The following DOK6 variants were observed in gnomAD, a reference collection of about 807,000 sequenced individuals.
The protein encoded by DOK6 is downstream of tyrosine kinase 6.
A neutral mutation model predicts 44.0 loss-of-function variants in DOK6; 22 were observed. The ratio of observed to expected loss-of-function variants is 0.50; its 90% confidence interval spans 0.36 to 0.71. The LOEUF (loss-of-function observed/expected upper bound fraction) is 0.71. Among genes scored for constraint, DOK6 ranks in the 30% least tolerant of loss-of-function variants. The pLI is 0.00. For missense variants in DOK6, 340 were observed against 416.4 expected, an observed-to-expected ratio of 0.82 and a Z score of 1.60; for synonymous variants, 166 against 145.5, an observed-to-expected ratio of 1.14 and a Z score of -1.01.
intron 6 of DOK6, among the ~76,000 whole-genome samples, chr18:69,750,391 T>C (rs1033887794): frequency 1.3e-5 from 2 of 152,058 alleles, no homozygotes; most frequent in African/African-American, 4.8e-5. Flanking sequence ...CTTTCATGTA[T>C]AAAATAGTAC....
At chr18:69,583,477 G>A (rs962326104) in intron 2 of DOK6, among the ~76,000 whole-genome samples, 6 of 152,036 alleles carry the variant, frequency 3.9e-5, no homozygotes, top group Admixed American at 6.6e-5. Context: ...TGGAAATAAC[G>A]TCTCACTTGT....
chr18:69,525,715 C>A lies in DOK6; in HGVS notation c.67-38772C>A, dbSNP rs184710242. 1.2e-4 allele frequency among the ~76,000 whole-genome samples: 18 copies of A among 152,158 alleles called. No homozygotes were observed. The East Asian group carries it at 3.3e-3, about 28-fold the overall frequency. ...ATGGATCATAAAGTCTCTTTTACAG[C>A]TACTCACCTCTGCCACTGTAGCATA... is the stretch of plus-strand genomic sequence containing the variant. On this transcript the variant is annotated intron_variant, in intron 1 of 7. Coordinates refer to ENST00000382713, the MANE Select transcript of DOK6 (RefSeq NM_152721.6).
At chr18:69,705,850 G>A (rs953064620) in intron 5 of DOK6, among the ~76,000 whole-genome samples, 1 of 151,326 alleles carries the variant, frequency 6.6e-6, no homozygotes, top group Non-Finnish European at 1.5e-5. Flanking sequence ...GCTTTCCCTA[G>A]ATGTTGTTGG....
At chr18:69,736,388 G>T (rs1362319984) in intron 5 of DOK6, among the ~76,000 whole-genome samples, 1 of 152,036 alleles carries the variant, frequency 6.6e-6, no homozygotes. Flanking sequence ...TTTTTATGAG[G>T]CCCTAGAATA....
intron 3 of DOK6, among the ~76,000 whole-genome samples, chr18:69,668,687 G>C (rs1985720171): frequency 6.6e-6 from 1 of 152,068 alleles, no homozygotes; most frequent in Non-Finnish European, 1.5e-5. Flanking sequence ...GTGATATCGG[G>C]ATGATGTATA....
intron 2 of DOK6, among the ~76,000 whole-genome samples, chr18:69,580,240 G>T (rs1983335511): frequency 1.3e-5 from 2 of 152,150 alleles, no homozygotes. Context: ...CTGCTTCAAA[G>T]CTCCTTCTGT....
chr18:69,656,487 A>G (rs1985370951), intron 3 of DOK6, among the ~76,000 whole-genome samples: 1 of 152,200 alleles, frequency 6.6e-6, no homozygotes, highest in African/African-American at 2.4e-5. Context: ...CTCCATTTCC[A>G]CATATGTTCA....
chr18:69,478,029 A>G (rs926671450), intron 1 of DOK6, among the ~76,000 whole-genome samples: 1 of 152,222 alleles, frequency 6.6e-6, no homozygotes. Flanking sequence ...TTCTTTTAAG[A>G]TACAGAAAAT....
At chr18:69,441,851 G>A (rs1979145877) in intron 1 of DOK6, among the ~76,000 whole-genome samples, 1 of 152,130 alleles carries the variant, frequency 6.6e-6, no homozygotes, top group East Asian at 1.9e-4. Flanking sequence ...TACACAGAAT[G>A]TGATGAATGC....
At chr18:69,702,397 C>A (rs1986543056) in intron 5 of DOK6, among the ~76,000 whole-genome samples, 1 of 152,004 alleles carries the variant, frequency 6.6e-6, no homozygotes, top group East Asian at 1.9e-4. Context: ...TGAAGAGTTG[C>A]AATTAACTAA....
At chr18:69,745,316 A>G (rs1403289539) in intron 6 of DOK6, among the ~76,000 whole-genome samples, 2 of 152,246 alleles carry the variant, frequency 1.3e-5, no homozygotes, top group Non-Finnish European at 2.9e-5. Flanking sequence ...ACTGAACAAT[A>G]TAAAGAAAGC....
intron 1 of DOK6, among the ~76,000 whole-genome samples, chr18:69,477,131 C>A (rs987043227): frequency 1.3e-5 from 2 of 152,102 alleles, no homozygotes; most frequent in Non-Finnish European, 1.5e-5. Flanking sequence ...TTGTTGTGTG[C>A]TTTATATGAC....
At chr18:69,733,854 T>A (rs1978503260) in intron 5 of DOK6, among the ~76,000 whole-genome samples, 1 of 152,158 alleles carries the variant, frequency 6.6e-6, no homozygotes, top group African/African-American at 2.4e-5. Context: ...TAGTCTTCAG[T>A]AGTTGAATTT....
intron 5 of DOK6, among the ~76,000 whole-genome samples, chr18:69,707,222 G>A (rs1414006367): frequency 1.3e-5 from 2 of 152,152 alleles, no homozygotes; most frequent in Non-Finnish European, 2.9e-5. Flanking sequence ...CATGCTCATG[G>A]GTAGGAAGAA....
intron 1 of DOK6, among the ~76,000 whole-genome samples, chr18:69,482,235 C>A (rs988504738): frequency 6.6e-6 from 1 of 152,060 alleles, no homozygotes; most frequent in Non-Finnish European, 1.5e-5. Context: ...TAATTAGATC[C>A]CATTTGTCAA....
chr18:69,466,955 C>A (rs978269275), intron 1 of DOK6, among the ~76,000 whole-genome samples: 9 of 152,076 alleles, frequency 5.9e-5, no homozygotes, highest in Admixed American at 3.9e-4. Context: ...TTTGTTTTCA[C>A]TTTTCTTTTT....
At position 69,414,139 on chromosome 18, in the gene DOK6, C is replaced by T. The variant is rs74934357; in HGVS notation, c.66+12829C>T. On this transcript the variant is annotated intron_variant, in intron 1 of 7. Transcript: ENST00000382713. ...GGATAGCTGGGTCACTCATTACTGGCGGGAATATAAAATGGTTCAGACACT... is the reference window on the plus strand; with the variant it reads ...GGATAGCTGGGTCACTCATTACTGGTGGGAATATAAAATGGTTCAGACACT... Among the ~76,000 whole-genome samples the T allele has an allele frequency of 5.1e-3, 782 of 152,012 alleles. 7 individuals carry two copies. Among genetic ancestry groups the T allele is most frequent in the African/African-American group, 0.017 (696 of 41,464 alleles).
chr18:69,551,507 ACTGT>A (rs1337977690), intron 1 of DOK6, among the ~76,000 whole-genome samples: 3 of 151,970 alleles, frequency 2.0e-5, no homozygotes, highest in East Asian at 1.9e-4. Context: ...TAATATTTAT[ACTGT>A]CTATCAGATA....
intron 7 of DOK6, among the ~76,000 whole-genome samples, chr18:69,816,101 G>A (rs1981390602): frequency 6.6e-6 from 1 of 152,128 alleles, no homozygotes; most frequent in African/African-American, 2.4e-5. Flanking sequence ...ACCAAACATA[G>A]CAATTCATCC....
Sources: allele counts gnomAD v4.1 joint callset (sites outside exome capture counted in the v4.1 genomes callset), GRCh38; gene constraint gnomAD v4.1.1; transcripts MANE v1.5; gene names NCBI Gene and HGNC (gene_info 2026-07-23, HGNC 2026-07-21).